TCERG1L: variants seen among roughly 807,000 people sequenced by gnomAD.
TCERG1L encodes transcription elongation regulator 1 like.
Under a neutral mutation model 56.3 loss-of-function variants are expected in TCERG1L, and 37 were observed. The observed-to-expected ratio is 0.66, with a 90% CI of 0.51 to 0.87. The LOEUF (loss-of-function observed/expected upper bound fraction) is 0.87, where lower values mean the gene tolerates loss of function less well. Among genes scored for constraint, TCERG1L ranks in the 40% least tolerant of loss-of-function variants. The pLI is 0.00. For missense variants in TCERG1L, 799 were observed against 774.2 expected, an observed-to-expected ratio of 1.03 and a Z score of -0.38; for synonymous variants, 324 against 326.3, an observed-to-expected ratio of 0.99 and a Z score of 0.08.
At chr10:131,093,729 T>C (rs980181120) in intron 11 of TCERG1L, among the ~76,000 whole-genome samples, 3 of 152,128 alleles carry the variant, frequency 2.0e-5, no homozygotes, top group African/African-American at 4.8e-5. Context: ...GGTACACCCT[T>C]CCCTTGTTTC....
chr10:131,093,390 C>T (rs1845202649), intron 11 of TCERG1L, 72 bp from the exon 12 acceptor site: 4 of 1,556,036 alleles, frequency 2.6e-6, no homozygotes, highest in Non-Finnish European at 3.5e-6. Flanking sequence ...CCTGCAGCGG[C>T]ACCGCCTGAG....
chr10:131,224,031 C>T (rs1017281147), intron 4 of TCERG1L, among the ~76,000 whole-genome samples: 1 of 152,120 alleles, frequency 6.6e-6, no homozygotes, highest in Non-Finnish European at 1.5e-5. Context: ...ACCCTGGAGG[C>T]CTCACTGTCA....
chr10:131,279,374 T>C (rs920192454), intron 3 of TCERG1L, among the ~76,000 whole-genome samples: 5 of 152,150 alleles, frequency 3.3e-5, no homozygotes, highest in Non-Finnish European at 7.4e-5. Flanking sequence ...CAATTGACAG[T>C]AAGCAATGCT....
At chr10:131,249,819 T>C (rs1309274384) in intron 4 of TCERG1L, among the ~76,000 whole-genome samples, 2 of 152,128 alleles carry the variant, frequency 1.3e-5, no homozygotes, top group African/African-American at 4.8e-5. Flanking sequence ...CCCCTCCTTT[T>C]CAAATCGTTG....
intron 4 of TCERG1L, among the ~76,000 whole-genome samples, chr10:131,185,014 G>A (rs569038628): frequency 6.6e-6 from 1 of 152,278 alleles, no homozygotes; most frequent in Admixed American, 6.5e-5. Context: ...AGGATCACCT[G>A]AGCCTGGGGA....
At chr10:131,194,706 A>G (rs759068389) in intron 4 of TCERG1L, among the ~76,000 whole-genome samples, 19 of 152,276 alleles carry the variant, frequency 1.2e-4, no homozygotes, top group Non-Finnish European at 2.4e-4. Flanking sequence ...GAATTTATCC[A>G]GGAGAAGGGG....
At chr10:131,148,880 G>C (rs1339838919) in intron 6 of TCERG1L, among the ~76,000 whole-genome samples, 1 of 152,220 alleles carries the variant, frequency 6.6e-6, no homozygotes, top group African/African-American at 2.4e-5. Context: ...TGTGGGAGAC[G>C]AATCAATGGG....
chr10:131,121,586 C>T (rs574739776), intron 8 of TCERG1L, among the ~76,000 whole-genome samples: 1 of 152,316 alleles, frequency 6.6e-6, no homozygotes, highest in East Asian at 1.9e-4. Flanking sequence ...AAAAATGTTC[C>T]ACAGGAAGCG....
chr10:131,107,093 A>C (rs1248618727), intron 9 of TCERG1L, among the ~76,000 whole-genome samples: 2 of 151,762 alleles, frequency 1.3e-5, no homozygotes, highest in African/African-American at 4.8e-5. Flanking sequence ...CAACTCTGGG[A>C]GGGTCTCCAA....
intron 4 of TCERG1L, among the ~76,000 whole-genome samples, chr10:131,173,391 T>C (rs1340911645): frequency 6.6e-6 from 1 of 152,126 alleles, no homozygotes; most frequent in Non-Finnish European, 1.5e-5. Flanking sequence ...TGAGCTCCTT[T>C]GAAAAATTTG....
chr10:131,224,527 G>A (rs929814841), intron 4 of TCERG1L, among the ~76,000 whole-genome samples: 4 of 152,220 alleles, frequency 2.6e-5, no homozygotes, highest in Admixed American at 1.3e-4. Context: ...GTATCCCAGT[G>A]TCTGTTGTCT....
intron 4 of TCERG1L, among the ~76,000 whole-genome samples, chr10:131,246,992 G>A (rs563581624): frequency 2.6e-5 from 4 of 152,238 alleles, no homozygotes; most frequent in South Asian, 2.1e-4. Context: ...ATGCCCAGGC[G>A]CCCTCTCACC....
intron 4 of TCERG1L, among the ~76,000 whole-genome samples, chr10:131,244,831 C>CA (rs1256676893): frequency 6.6e-6 from 1 of 152,192 alleles, no homozygotes; most frequent in Non-Finnish European, 1.5e-5. Context: ...GGAGAGAAGA[C>CA]ATCAGCAGCT....
chr10:131,105,170 A>G (rs1845340468), intron 9 of TCERG1L, among the ~76,000 whole-genome samples: 1 of 152,242 alleles, frequency 6.6e-6, no homozygotes, highest in Admixed American at 6.5e-5. Flanking sequence ...TTTTCCTCGT[A>G]AATAGCCTGG....
chr10:131,278,503 A>C (rs887189858), intron 3 of TCERG1L, among the ~76,000 whole-genome samples: 1 of 151,136 alleles, frequency 6.6e-6, no homozygotes, highest in Non-Finnish European at 1.5e-5. Flanking sequence ...ATGCCCAGCT[A>C]ATTTTTTTTT....
At chr10:131,258,995 TG>T (rs1846205288) in intron 4 of TCERG1L, among the ~76,000 whole-genome samples, 2 of 152,288 alleles carry the variant, frequency 1.3e-5, no homozygotes, top group South Asian at 4.1e-4. Flanking sequence ...AGATTATCCA[TG>T]TGTTTTATTT....
intron 3 of TCERG1L, among the ~76,000 whole-genome samples, chr10:131,269,150 G>A (rs1846312959): frequency 2.0e-5 from 3 of 152,012 alleles, no homozygotes; most frequent in Non-Finnish European, 4.4e-5. Flanking sequence ...AAATGTAGTC[G>A]CCATTGTAAG....
At chr10:131,148,351 CAG>C (rs1004018092) in intron 6 of TCERG1L, among the ~76,000 whole-genome samples, 2 of 117,708 alleles carry the variant, frequency 1.7e-5, no homozygotes, top group South Asian at 3.9e-4. Flanking sequence ...AACAGACACA[CAG>C]AGACACACAT....
chr10:131,276,238 C>T lies in TCERG1L; in HGVS notation c.671-15794G>A, dbSNP rs115370326. Among the ~76,000 whole-genome samples the T allele has an allele frequency of 6.6e-3, 1,001 of 152,296 alleles. 9 individuals are homozygous for T. The highest frequency in any genetic ancestry group is 0.023 in the African/African-American group (941 of 41,552). On this transcript the variant is annotated intron_variant, in intron 3 of 11. Transcript: ENST00000368642. Reference sequence around the variant, plus strand: ...ACATCCCTCTAAGTACAGTCCAGAGCGTCCATCTGTTGCTAAAAAGATTAA... The same window carrying T: ...ACATCCCTCTAAGTACAGTCCAGAGTGTCCATCTGTTGCTAAAAAGATTAA...
Sources: allele counts gnomAD v4.1 joint callset (sites outside exome capture counted in the v4.1 genomes callset), GRCh38; gene constraint gnomAD v4.1.1; transcripts MANE v1.5; gene names NCBI Gene and HGNC (gene_info 2026-07-23, HGNC 2026-07-21).